Variants in SLC24A3 observed in about 807,000 individuals in gnomAD.
The protein encoded by SLC24A3 is solute carrier family 24 member 3, also known as sodium/potassium/calcium exchanger 3.
In SLC24A3, 28 loss-of-function variants were observed where a neutral mutation model predicts 75.8. The observed-to-expected ratio is 0.37, with a 90% confidence interval of 0.27 to 0.51. The LOEUF is 0.51. SLC24A3 is among the 20% of genes least tolerant of loss of function. The pLI, the probability that SLC24A3 is intolerant of heterozygous loss-of-function variation, is 0.94. For synonymous variants in SLC24A3, 372 were observed against 334.1 expected, an observed-to-expected ratio of 1.11 and a Z score of -1.24; for missense variants, 663 against 847.8, an observed-to-expected ratio of 0.78 and a Z score of 2.71.
intron 4 of SLC24A3, among the ~76,000 whole-genome samples, chr20:19,584,572 C>T (rs1423208133): frequency 6.6e-6 from 1 of 152,214 alleles, no homozygotes; most frequent in Non-Finnish European, 1.5e-5. Flanking sequence ...AATGCCCCCA[C>T]CATAGCCTCA....
chr20:19,664,588 C>G (rs2032375735), intron 7 of SLC24A3, among the ~76,000 whole-genome samples: 1 of 152,214 alleles, frequency 6.6e-6, no homozygotes, highest in Non-Finnish European at 1.5e-5. Context: ...CTACCCAGCT[C>G]ATGGTTACTG....
chr20:19,470,627 T>C (rs1055464816), intron 2 of SLC24A3, among the ~76,000 whole-genome samples: 1 of 152,154 alleles, frequency 6.6e-6, no homozygotes, highest in Non-Finnish European at 1.5e-5. Flanking sequence ...TAGACATGAC[T>C]ACTATTGGCT....
intron 2 of SLC24A3, among the ~76,000 whole-genome samples, chr20:19,287,097 A>C (rs1326275521): frequency 6.6e-6 from 1 of 152,276 alleles, no homozygotes; most frequent in East Asian, 1.9e-4. Context: ...GCTGTAACAG[A>C]GAAGTCCTCC....
chr20:19,703,777 A>G (rs1191185724), intron 15 of SLC24A3, among the ~76,000 whole-genome samples: 1 of 152,228 alleles, frequency 6.6e-6, no homozygotes, highest in Non-Finnish European at 1.5e-5. Flanking sequence ...TAGTAACAGT[A>G]TTTGGCCCAA....
At chr20:19,517,619 T>G (rs547756914) in intron 3 of SLC24A3, among the ~76,000 whole-genome samples, 4 of 152,306 alleles carry the variant, frequency 2.6e-5, no homozygotes, top group African/African-American at 9.6e-5. Context: ...GCCCCTGCCC[T>G]GGGCCCTACA....
chr20:19,452,545 TAGTC>T (rs1987505294), intron 2 of SLC24A3, among the ~76,000 whole-genome samples: 1 of 151,642 alleles, frequency 6.6e-6, no homozygotes, highest in Non-Finnish European at 1.5e-5. Context: ...GAGTTGGAAA[TAGTC>T]AGAGGGAAGA....
intron 6 of SLC24A3, among the ~76,000 whole-genome samples, chr20:19,600,913 T>G (rs757523650): frequency 6.6e-6 from 1 of 152,156 alleles, no homozygotes; most frequent in Non-Finnish European, 1.5e-5. Flanking sequence ...CCCCCACTTC[T>G]GCCTCCCAAG....
At chr20:19,375,124 A>G (rs774689178) in intron 2 of SLC24A3, among the ~76,000 whole-genome samples, 2 of 152,070 alleles carry the variant, frequency 1.3e-5, no homozygotes, top group Non-Finnish European at 2.9e-5. Context: ...TCACAGATCA[A>G]TCACCTGTAC....
chr20:19,243,384 G>A (rs890889493), intron 1 of SLC24A3, among the ~76,000 whole-genome samples: 11 of 152,314 alleles, frequency 7.2e-5, no homozygotes, highest in African/African-American at 2.4e-4. Context: ...GATAATTCCA[G>A]AACATAACTT....
intron 2 of SLC24A3, among the ~76,000 whole-genome samples, chr20:19,469,133 C>T (rs1302162620): frequency 6.6e-6 from 1 of 152,008 alleles, no homozygotes; most frequent in African/African-American, 2.4e-5. Context: ...CTCCATGGAT[C>T]CTGGCATCAC....
At chr20:19,403,004 A>G (rs750954305) in intron 2 of SLC24A3, among the ~76,000 whole-genome samples, 4 of 152,222 alleles carry the variant, frequency 2.6e-5, no homozygotes, top group African/African-American at 4.8e-5. Context: ...TGTAATTATA[A>G]TTAACCATGT....
At chr20:19,242,132 A>T (rs1378238599) in intron 1 of SLC24A3, among the ~76,000 whole-genome samples, 1 of 152,070 alleles carries the variant, frequency 6.6e-6, no homozygotes, top group Admixed American at 6.5e-5. Context: ...AATAACTCAA[A>T]GAATTTCCTG....
At chr20:19,673,691 T>A in intron 9 of SLC24A3, 37 bp downstream of exon 9, 1 of 1,552,190 alleles carries the variant, frequency 6.4e-7, no homozygotes, top group Non-Finnish European at 8.9e-7. Flanking sequence ...CAAAACTGTT[T>A]CTTGCATTCC....
intron 2 of SLC24A3, among the ~76,000 whole-genome samples, chr20:19,363,647 C>T (rs1443478287): frequency 1.3e-5 from 2 of 152,132 alleles, no homozygotes; most frequent in Non-Finnish European, 2.9e-5. Context: ...CTGGGAGAGA[C>T]GCTGTGGCCA....
At chr20:19,696,016 T>TTTTC (rs2032801028) in intron 13 of SLC24A3, among the ~76,000 whole-genome samples, 1 of 19,304 alleles carries the variant, frequency 5.2e-5, no homozygotes, top group Non-Finnish European at 2.0e-4. Context: ...TTTCCTTTTC[T>TTTTC]TTTTTTTTTT....
At chr20:19,445,566 T>C (rs1268366810) in intron 2 of SLC24A3, among the ~76,000 whole-genome samples, 6 of 152,170 alleles carry the variant, frequency 3.9e-5, no homozygotes, top group South Asian at 2.1e-4. Flanking sequence ...AAGTTATCAC[T>C]TTGGACAACT....
intron 2 of SLC24A3, among the ~76,000 whole-genome samples, chr20:19,334,334 A>G (rs946939497): frequency 4.6e-5 from 7 of 152,032 alleles, no homozygotes; most frequent in Admixed American, 2.0e-4. Context: ...TGGGTTTGGT[A>G]ATTAAATAAA....
intron 15 of SLC24A3, among the ~76,000 whole-genome samples, chr20:19,701,829 G>GA (rs1005300972): frequency 3.3e-5 from 5 of 150,948 alleles, no homozygotes; most frequent in African/African-American, 7.3e-5. Flanking sequence ...AAAAGAAGAA[G>GA]AAAAAAAAAC....
At chr20:19,448,660 G>A (rs1250229756) in intron 2 of SLC24A3, among the ~76,000 whole-genome samples, 5 of 152,186 alleles carry the variant, frequency 3.3e-5, no homozygotes, top group African/African-American at 1.2e-4. Context: ...ATGAGACTGG[G>A]TTCAAGCTAC....
Sources: allele counts gnomAD v4.1 joint callset (sites outside exome capture counted in the v4.1 genomes callset), GRCh38; gene constraint gnomAD v4.1.1; transcripts MANE v1.5; gene names NCBI Gene and HGNC (gene_info 2026-07-23, HGNC 2026-07-21).